Variants in IRS1 observed in about 807,000 individuals in gnomAD.
IRS1 encodes the protein insulin receptor substrate 1.
A neutral mutation model predicts 65.6 loss-of-function variants in IRS1; 34 were observed. The observed-to-expected ratio is 0.52, with a 90% CI of 0.39 to 0.69. The LOEUF is 0.69. Among genes scored for constraint, IRS1 ranks in the 30% least tolerant of loss-of-function variants. The probability of loss-of-function intolerance (pLI) is 0.00; values close to 1 mark genes in which losing one functional copy is unlikely to be tolerated. For missense variants in IRS1, 1,641 were observed against 1,720.2 expected (o/e 0.95, Z 0.81); for synonymous variants, 699 against 683.5 (o/e 1.02, Z -0.35).
At position 226,796,954 on chromosome 2, in the gene IRS1, C is replaced by T. The variant is rs35319654; in HGVS notation, c.1785G>A (p.Arg595=). 3.4e-4 allele frequency: 526 copies of T among 1,564,522 alleles called. 7 individuals carry two copies. The Middle Eastern group carries it at 5.5e-3, about 16-fold the overall frequency. ...EGLEMHPLER[R]GGHHRPDSST... ...AGCTGTCTGGGCGGTGGTGCCCCCC[C>T]CGACGCTCCAAGGGGTGCATTTCCA... Residue 595 remains arginine, a synonymous_variant, in exon 1 of 2, where the codon CGG becomes CGA. Transcript: ENST00000305123.
intron 1 of IRS1, among the ~76,000 whole-genome samples, chr2:226,741,327 C>A (rs189286178): frequency 8.3e-4 from 126 of 152,228 alleles, no homozygotes; most frequent in Admixed American, 1.4e-3. Flanking sequence ...ATCATCCCAA[C>A]GCATTGTATA....
chr2:226,774,093 A>G (rs1000843193), intron 1 of IRS1, among the ~76,000 whole-genome samples: 10 of 152,120 alleles, frequency 6.6e-5, no homozygotes, highest in African/African-American at 2.4e-4. Context: ...CCAGATTCCC[A>G]CTGGACGTCC....
rs1938269589 is a variant in IRS1, at chr2:226,733,546, A to G, written c.*2726T>C. On this transcript the variant is annotated 3_prime_UTR_variant, in exon 2 of 2. Coordinates refer to ENST00000305123, the MANE Select transcript of IRS1 (RefSeq NM_005544.3). ...AAAGAGGATTTTAAAACTCTGCTTAAGTCTCTAAGGAAAAACGCTGTGAGA... is the reference window on the plus strand; with the variant it reads ...AAAGAGGATTTTAAAACTCTGCTTAGGTCTCTAAGGAAAAACGCTGTGAGA... 6.6e-6 allele frequency: 1 copy of G among 152,244 alleles called. No individual in the cohort carries two copies. The highest frequency in any genetic ancestry group is 2.1e-4 in the South Asian group (1 of 4,832). 9.4% of individuals were successfully genotyped at this position (152,244 alleles called of 1,614,324 possible). A position where few individuals can be genotyped will look rare whatever the true frequency, so the allele number is the denominator to read the frequency against.
At chr2:226,779,999 G>A (rs1939350199) in intron 1 of IRS1, among the ~76,000 whole-genome samples, 1 of 152,114 alleles carries the variant, frequency 6.6e-6, no homozygotes, top group African/African-American at 2.4e-5. Flanking sequence ...TTTAGTAGAG[G>A]GGCTAATTAG....
In IRS1 at chr2:226,790,143, T is replaced by A. The variant is rs542240430; in HGVS notation, c.*21+4846A>T. Among the ~76,000 whole-genome samples, 13 of 152,314 alleles carry A rather than the reference T, an allele frequency of 8.5e-5. No individual in the cohort carries two copies. In the East Asian group the frequency reaches 2.5e-3, roughly 29 times the overall value. On this transcript the variant is annotated intron_variant, in intron 1 of 1. Coordinates refer to ENST00000305123, the MANE Select transcript of IRS1 (RefSeq NM_005544.3). ...TTTAGAGCTGCAAAGGAGGTTAGAA[T>A]AATTTAGAACAAAATCCTCAAGTTA... is the stretch of plus-strand genomic sequence containing the variant.
chr2:226,769,709 T>A (rs1183794168), intron 1 of IRS1, among the ~76,000 whole-genome samples: 4 of 152,226 alleles, frequency 2.6e-5, no homozygotes, highest in Non-Finnish European at 4.4e-5. Flanking sequence ...GGACTACTCT[T>A]GTCGTTATCT....
At chr2:226,746,891 G>A (rs1260169456) in intron 1 of IRS1, among the ~76,000 whole-genome samples, 1 of 151,074 alleles carries the variant, frequency 6.6e-6, no homozygotes, top group African/African-American at 2.4e-5. Context: ...CCAGGTTGGA[G>A]CGATTCTCCT....
At chr2:226,778,025 G>A (rs1332091522) in intron 1 of IRS1, among the ~76,000 whole-genome samples, 1 of 151,908 alleles carries the variant, frequency 6.6e-6, no homozygotes, top group Non-Finnish European at 1.5e-5. Flanking sequence ...TTTTTTCTAA[G>A]CATTTCTTAG....
chr2:226,777,509 T>C (rs1368802210), intron 1 of IRS1, among the ~76,000 whole-genome samples: 1 of 152,174 alleles, frequency 6.6e-6, no homozygotes, highest in Non-Finnish European at 1.5e-5. Context: ...TGATGGAAAA[T>C]TTCTTTTAGA....
intron 1 of IRS1, among the ~76,000 whole-genome samples, chr2:226,788,996 T>A (rs1939540273): frequency 6.6e-6 from 1 of 152,216 alleles, no homozygotes; most frequent in African/African-American, 2.4e-5. Context: ...GGATCTTTAG[T>A]GTGAAACTGG....
intron 1 of IRS1, among the ~76,000 whole-genome samples, chr2:226,741,890 T>C (rs1188294066): frequency 2.0e-5 from 3 of 151,934 alleles, no homozygotes; most frequent in Non-Finnish European, 2.9e-5. Context: ...AATAGATGGG[T>C]GTTGTTCATT....
intron 1 of IRS1, among the ~76,000 whole-genome samples, chr2:226,764,284 C>T (rs1482867431): frequency 6.6e-6 from 1 of 152,040 alleles, no homozygotes; most frequent in African/African-American, 2.4e-5. Flanking sequence ...TGGCTCATAT[C>T]TGTAATCCCA....
In IRS1 at chr2:226,798,797, G is replaced by C. The variant is rs976619333; in HGVS notation, c.-59C>G. The C allele has an allele frequency of 3.4e-5, 53 of 1,567,038 alleles. No individual in the cohort carries two copies. The Admixed American group carries it at 8.8e-4, about 26-fold the overall frequency. On this transcript the variant is annotated 5_prime_UTR_variant, in exon 1 of 2. Transcript: ENST00000305123. This position sits in a 1 kb window ranked among gnomAD's most constrained non-coding sequence, Gnocchi z 9.4. ...GAGGCTCCGAAAAACAACCGGGTGG[G>C]GGGCGGAGGCTCCTCGCCGCGGCCC...
Position 226,799,258 on chromosome 2 carries a change from G to A in IRS1, c.-520C>T. ...TTGCCAAGTCCCAACGTTGCACGGG[G>A]TTCTCCCTCCTCCTTCGCCTCCTCC... On this transcript the variant is annotated 5_prime_UTR_variant, in exon 1 of 2. Transcript: ENST00000305123. This position sits in a 1 kb window ranked among gnomAD's most constrained non-coding sequence, Gnocchi z 6.1. 2 of 1,143,408 alleles carry A rather than the reference G, an allele frequency of 1.7e-6. No homozygotes were observed. The highest frequency in any genetic ancestry group is 2.2e-6 in the Non-Finnish European group (2 of 911,114). 70.8% of individuals were successfully genotyped at this position (1,143,408 alleles called of 1,614,324 possible).
chr2:226,784,359 C>CA (rs1266303539), intron 1 of IRS1, among the ~76,000 whole-genome samples: 5 of 151,560 alleles, frequency 3.3e-5, no homozygotes, highest in African/African-American at 9.7e-5. Context: ...GGTAAGTCAC[C>CA]AAAAAAACGA....
chr2:226,784,467 G>C (rs1939449221), intron 1 of IRS1, among the ~76,000 whole-genome samples: 1 of 151,460 alleles, frequency 6.6e-6, no homozygotes, highest in Non-Finnish European at 1.5e-5. Flanking sequence ...TTGTCTTTCA[G>C]GCTAGAGTGC....
At chr2:226,791,833 A>T (rs1207462527) in intron 1 of IRS1, among the ~76,000 whole-genome samples, 1 of 151,648 alleles carries the variant, frequency 6.6e-6, no homozygotes, top group Non-Finnish European at 1.5e-5. Flanking sequence ...CGGCCCGGGA[A>T]GGGGCCCCAC....
At chr2:226,738,977 G>A (rs1273248113) in intron 1 of IRS1, among the ~76,000 whole-genome samples, 4 of 152,136 alleles carry the variant, frequency 2.6e-5, no homozygotes, top group Non-Finnish European at 4.4e-5. Flanking sequence ...ATCATCACAC[G>A]TACCAACCTG....
At chr2:226,752,178 G>C (rs1938697458) in intron 1 of IRS1, among the ~76,000 whole-genome samples, 1 of 152,190 alleles carries the variant, frequency 6.6e-6, no homozygotes, top group South Asian at 2.1e-4. Flanking sequence ...GATGCTTCCA[G>C]AGAAAGATCC....
Sources: allele counts gnomAD v4.1 joint callset (sites outside exome capture counted in the v4.1 genomes callset), GRCh38; gene constraint gnomAD v4.1.1; non-coding constraint Gnocchi (gnomAD v3.1); transcripts MANE v1.5; gene names NCBI Gene and HGNC (gene_info 2026-07-23, HGNC 2026-07-21).